FCHSD2: variants seen among roughly 807,000 people sequenced by gnomAD.
FCHSD2 encodes the protein F-BAR and double SH3 domains protein 2.
FCHSD2 carries 38 observed loss-of-function variants against 108.1 expected under a neutral mutation model. That is an observed-to-expected ratio of 0.35 (90% confidence interval 0.27 to 0.46). The LOEUF (loss-of-function observed/expected upper bound fraction) is 0.46, where lower values mean the gene tolerates loss of function less well. Among genes scored for constraint, FCHSD2 ranks in the 20% least tolerant of loss-of-function variants. The pLI is 1.00. For synonymous variants in FCHSD2, 279 were observed against 314.7 expected, an observed-to-expected ratio of 0.89 and a Z score of 1.20; for missense variants, 751 against 897.8, an observed-to-expected ratio of 0.84 and a Z score of 2.09.
At chr11:72,850,340 C>A (rs969867782) in intron 13 of FCHSD2, among the ~76,000 whole-genome samples, 1 of 152,058 alleles carries the variant, frequency 6.6e-6, no homozygotes. Context: ...GCTGGTATTA[C>A]AGGTGTGAGC....
At chr11:72,857,613 A>AT (rs761360218) in intron 13 of FCHSD2, among the ~76,000 whole-genome samples, 1,778 of 122,842 alleles carry the variant, frequency 0.014, 7 homozygotes, top group African/African-American at 0.023. Flanking sequence ...TAATTTTTGT[A>AT]TTTTTTTTTT....
chr11:73,017,825 A>C (rs1858007643), intron 3 of FCHSD2, among the ~76,000 whole-genome samples: 1 of 152,216 alleles, frequency 6.6e-6, no homozygotes, highest in Admixed American at 6.5e-5. Flanking sequence ...AACGTAAACA[A>C]TCACAAATAT....
intron 2 of FCHSD2, among the ~76,000 whole-genome samples, chr11:73,102,312 T>A (rs1860244151): frequency 6.6e-6 from 1 of 152,180 alleles, no homozygotes; most frequent in African/African-American, 2.4e-5. Context: ...TGGGGAAATT[T>A]TTGGCAGTTT....
Position 72,985,057 on chromosome 11 carries a change from CT to C in FCHSD2, c.576+4del. On this transcript the variant is annotated splice_donor_region_variant and intron_variant, in intron 7 of 19. Transcript: ENST00000409418. The stretch of plus-strand genomic sequence containing the variant: ...AGTTGTGAAATACACTTATTGAAAA[CT>C]TACCTTTACACTTGCCTTCTGTAAA... The C allele has an allele frequency of 8.3e-7, 1 of 1,203,314 alleles. No individual in the cohort carries two copies. The allele number at this position is 1,203,314 out of a possible 1,614,324, so 74.5% of individuals were successfully genotyped here.
chr11:72,865,412 C>T (rs1854699145), intron 13 of FCHSD2, among the ~76,000 whole-genome samples: 1 of 152,122 alleles, frequency 6.6e-6, no homozygotes, highest in South Asian at 2.1e-4. Context: ...GATGCAGGCT[C>T]CATAAGAGTG....
intron 2 of FCHSD2, among the ~76,000 whole-genome samples, chr11:73,137,105 CAA>C (rs1311740057): frequency 6.6e-6 from 1 of 151,932 alleles, no homozygotes; most frequent in Non-Finnish European, 1.5e-5. Flanking sequence ...CTAGGGCAGA[CAA>C]GAGAAGCCAG....
chr11:72,959,676 A>G (rs1419976672), intron 8 of FCHSD2, among the ~76,000 whole-genome samples: 1 of 152,176 alleles, frequency 6.6e-6, no homozygotes, highest in Non-Finnish European at 1.5e-5. Context: ...TAAGATAGAC[A>G]TTTCAACGCA....
chr11:73,048,516 G>A (rs188041954), intron 3 of FCHSD2, among the ~76,000 whole-genome samples: 60 of 152,272 alleles, frequency 3.9e-4, no homozygotes, highest in Non-Finnish European at 2.5e-4. Context: ...TCTGCAGGTT[G>A]GCTAGAGCAT....
At chr11:73,049,585 G>A (rs988721012) in intron 3 of FCHSD2, among the ~76,000 whole-genome samples, 2 of 150,428 alleles carry the variant, frequency 1.3e-5, no homozygotes, top group Admixed American at 6.6e-5. Flanking sequence ...CCTAATGCTA[G>A]ATGACACGTT....
At chr11:72,858,617 G>C (rs946149317) in intron 13 of FCHSD2, among the ~76,000 whole-genome samples, 1 of 152,180 alleles carries the variant, frequency 6.6e-6, no homozygotes, top group East Asian at 1.9e-4. Flanking sequence ...GCCTTTCGGA[G>C]GGTAGAGGGT....
chr11:72,888,555 A>G (rs1321696831), intron 11 of FCHSD2, among the ~76,000 whole-genome samples: 1 of 152,058 alleles, frequency 6.6e-6, no homozygotes, highest in East Asian at 1.9e-4. Flanking sequence ...AAAAAGTACT[A>G]TACTCCAAAT....
intron 12 of FCHSD2, 129 bp downstream of exon 12, chr11:72,887,341 G>T: frequency 1.6e-6 from 1 of 636,776 alleles, no homozygotes; most frequent in Non-Finnish European, 2.7e-6. Flanking sequence ...ATACTACTGT[G>T]GACACGAATG....
At chr11:72,895,114 C>A (rs905512241) in intron 10 of FCHSD2, among the ~76,000 whole-genome samples, 10 of 152,132 alleles carry the variant, frequency 6.6e-5, no homozygotes, top group Admixed American at 2.0e-4. Flanking sequence ...GATAGCAGAA[C>A]CTTCACTTGG....
At chr11:72,954,198 T>A (rs1284998362) in intron 8 of FCHSD2, among the ~76,000 whole-genome samples, 69,879 of 90,888 alleles carry the variant, frequency 0.77, 25,101 homozygotes, top group South Asian at 0.88. Context: ...ATGTGGGGAT[T>A]TTTTTTTTTT....
chr11:72,899,697 T>C (rs1405699910), intron 10 of FCHSD2, among the ~76,000 whole-genome samples: 3 of 128,780 alleles, frequency 2.3e-5, no homozygotes, highest in African/African-American at 5.9e-5. Context: ...GATTATGCCA[T>C]TGCACTTCAG....
intron 8 of FCHSD2, among the ~76,000 whole-genome samples, chr11:72,955,047 A>G (rs1856687084): frequency 6.6e-6 from 1 of 152,170 alleles, no homozygotes; most frequent in South Asian, 2.1e-4. Context: ...CCTGGCAGAT[A>G]CCAGCTGGAC....
At chr11:72,900,228 C>CAA in intron 10 of FCHSD2, 1 of 1,210,188 alleles carries the variant, frequency 8.3e-7, no homozygotes. Flanking sequence ...CTTCCCATCC[C>CAA]TCCCGCCCTT....
At chr11:73,076,786 C>T (rs555573324) in intron 3 of FCHSD2, among the ~76,000 whole-genome samples, 1 of 152,040 alleles carries the variant, frequency 6.6e-6, no homozygotes, top group South Asian at 2.1e-4. Context: ...TGTATTGATA[C>T]TACTAGAAGC....
At chr11:72,972,324 T>A (rs1291285332) in intron 8 of FCHSD2, among the ~76,000 whole-genome samples, 1 of 152,218 alleles carries the variant, frequency 6.6e-6, no homozygotes, top group Non-Finnish European at 1.5e-5. Flanking sequence ...TAAGATCATC[T>A]AGGTAAAGCT....
Sources: allele counts gnomAD v4.1 joint callset (sites outside exome capture counted in the v4.1 genomes callset), GRCh38; gene constraint gnomAD v4.1.1; transcripts MANE v1.5; gene names NCBI Gene and HGNC (gene_info 2026-07-23, HGNC 2026-07-21).